Variants in ACCS observed in about 807,000 individuals in gnomAD.
The protein encoded by ACCS is 1-aminocyclopropane-1-carboxylate synthase homolog (inactive), also known as 1-aminocyclopropane-1-carboxylate synthase-like protein 1.
ACCS carries 42 observed loss-of-function variants against 59.8 expected under a neutral mutation model. The ratio of observed to expected loss-of-function variants is 0.70; its 90% CI spans 0.55 to 0.91. ACCS has a LOEUF of 0.91. ACCS is among the 40% of genes least tolerant of loss of function. ACCS has a pLI of 0.00. For missense variants in ACCS, 602 were observed against 630.4 expected, an observed-to-expected ratio of 0.95 and a Z score of 0.48; for synonymous variants, 230 against 240.3, an observed-to-expected ratio of 0.96 and a Z score of 0.40.
At position 44,078,740 on chromosome 11, in the gene ACCS, AT is replaced by A; in HGVS notation, c.790del (p.Tyr264ThrfsTer20). The A allele has an allele frequency of 6.2e-7, 1 of 1,614,050 alleles. No homozygotes were observed. Among genetic ancestry groups the A allele is most frequent in the African/African-American group, 1.3e-5 (1 of 75,006 alleles). ...GCCCCCAGAACCCTCTGGGTGATGT[AT>A]ACTCCCCTGAAGAGCTACAGGAGTA... ...ISPQNPLGDV[Y>X]SPEELQEYLV... On this transcript the variant is annotated frameshift_variant, in exon 9 of 15. Transcript: ENST00000263776. LOFTEE classifies it high-confidence loss of function.
intron 6 of ACCS, 99 bp downstream of exon 6, chr11:44,075,691 G>A: frequency 7.1e-7 from 1 of 1,416,214 alleles, no homozygotes. Flanking sequence ...ATGCTTTCGG[G>A]CACAATAGAA....
chr11:44,070,058 G>C (rs901043149), intron 2 of ACCS, among the ~76,000 whole-genome samples: 3 of 152,118 alleles, frequency 2.0e-5, no homozygotes, highest in African/African-American at 7.2e-5. Context: ...TACTGGAGCT[G>C]GAATAAAGCC....
chr11:44,070,094 G>T (rs1006508199), intron 2 of ACCS, among the ~76,000 whole-genome samples: 2 of 152,190 alleles, frequency 1.3e-5, no homozygotes, highest in Non-Finnish European at 2.9e-5. Flanking sequence ...AGGCGATGGG[G>T]TCAGAAAGAG....
chr11:44,075,671 C>T (rs1565177015), intron 6 of ACCS, 79 bp downstream of exon 6: 1 of 1,523,274 alleles, frequency 6.6e-7, no homozygotes, highest in Non-Finnish European at 9.0e-7. Flanking sequence ...GCCTCAAGGG[C>T]TGCAATAGTA....
intron 12 of ACCS, among the ~76,000 whole-genome samples, chr11:44,081,627 G>A (rs3134909): frequency 1.3e-5 from 2 of 152,004 alleles, no homozygotes; most frequent in Admixed American, 1.3e-4. Context: ...GCATATAATA[G>A]GCACTTGATT....
intron 10 of ACCS, chr11:44,080,704 C>A (rs892299148): frequency 6.9e-6 from 3 of 435,764 alleles, no homozygotes; most frequent in African/African-American, 6.0e-5. Context: ...ACCTGATTGG[C>A]CTGGTCCCAG....
chr11:44,071,338 G>T lies in ACCS; in HGVS notation c.348+23G>T, dbSNP rs763468932. 2.5e-6 allele frequency: 4 copies of T among 1,612,556 alleles called. No individual in the cohort carries two copies. The Admixed American group carries it at 6.7e-5, about 27-fold the overall frequency. On this transcript the variant is annotated intron_variant, in intron 3 of 14. Transcript: ENST00000263776. ...CGGGTAAGTCCTAGGGCCCCTCTAG[G>T]GGGCATCACCAGCTCCGAGGAGCTG...
rs1207105500 is a variant in ACCS, at chr11:44,067,635, C to A, written c.8C>A (p.Thr3Asn). 6.2e-7 allele frequency: 1 copy of A among 1,606,908 alleles called. No homozygotes were observed. Among genetic ancestry groups the A allele is most frequent in the Non-Finnish European group, 8.5e-7 (1 of 1,176,622 alleles). Residue 3 changes from threonine to asparagine, a missense_variant, in exon 2 of 15, where the codon ACC (threonine) becomes AAC (asparagine). Transcript: ENST00000263776. ...CGTTTTGTCTTTTTGCAGATGTTCA[C>A]CCTTCCTCAAAAGGACTTCAGGGCT... The part of the protein sequence containing the change: MF[T>N]LPQKDFRAPT...
intron 3 of ACCS, chr11:44,073,231 C>A: frequency 1.7e-6 from 1 of 586,616 alleles, no homozygotes; most frequent in Non-Finnish European, 3.1e-6. Context: ...TGTCTCAGCT[C>A]TGCCACTTGC....
At chr11:44,075,670 GCTGCAAT>G in intron 6 of ACCS, 78 bp downstream of exon 6, 1 of 1,532,062 alleles carries the variant, frequency 6.5e-7, no homozygotes, top group Non-Finnish European at 9.0e-7. Flanking sequence ...GGCCTCAAGG[GCTGCAAT>G]AGTATGCTTT....
At chr11:44,080,619 C>T (rs2134891576) in intron 10 of ACCS, 1 of 211,152 alleles carries the variant, frequency 4.7e-6, no homozygotes, top group African/African-American at 2.3e-5. Flanking sequence ...AAATGCACAT[C>T]CAGCCATTGG....
At chr11:44,080,978 T>C (rs1312466809) in intron 10 of ACCS, 42 bp from the exon 11 acceptor site, 16 of 1,612,480 alleles carry the variant, frequency 9.9e-6, no homozygotes, top group Middle Eastern at 1.7e-4. Context: ...TGGGTTTCCA[T>C]AGTTCTGTGT....
chr11:44,074,827 A>G (rs200976528), intron 5 of ACCS, 146 bp downstream of exon 5: 1 of 264,196 alleles, frequency 3.8e-6, no homozygotes, highest in African/African-American at 4.8e-5. Flanking sequence ...TTTTTTTTTT[A>G]TTTTTTTTAT....
At chr11:44,075,452 G>A in intron 5 of ACCS, 74 bp from the exon 6 acceptor site, 1 of 1,527,950 alleles carries the variant, frequency 6.5e-7, no homozygotes, top group Non-Finnish European at 9.1e-7. Context: ...ACTCTGTGCT[G>A]TCCTGGGAGG....
Position 44,083,867 on chromosome 11 carries a change from G to T in ACCS, c.*75G>T. 1 of 1,541,118 alleles carries T rather than the reference G, an allele frequency of 6.5e-7. No homozygotes were observed. The highest frequency in any genetic ancestry group is 1.2e-5 in the South Asian group (1 of 83,240). ...GGGCGTTCTGGGGCTGCAGAAGACTGACTGTGGATGTGCCATTTGCCAGGA... is the reference window on the plus strand; with the variant it reads ...GGGCGTTCTGGGGCTGCAGAAGACTTACTGTGGATGTGCCATTTGCCAGGA... On this transcript the variant is annotated 3_prime_UTR_variant, in exon 15 of 15. Coordinates refer to ENST00000263776, the MANE Select transcript of ACCS (RefSeq NM_032592.4).
chr11:44,075,187 T>C (rs1277044666), intron 5 of ACCS, among the ~76,000 whole-genome samples: 1 of 152,066 alleles, frequency 6.6e-6, no homozygotes, highest in Non-Finnish European at 1.5e-5. Context: ...CTTCACATAG[T>C]TTTGACTTGT....
At chr11:44,077,775 G>A in intron 7 of ACCS, 70 bp from the exon 8 acceptor site, 1 of 1,571,584 alleles carries the variant, frequency 6.4e-7, no homozygotes, top group Non-Finnish European at 8.6e-7. Flanking sequence ...AGAGGCCTGA[G>A]AGTTCATATG....
intron 2 of ACCS, among the ~76,000 whole-genome samples, chr11:44,069,472 C>T (rs1349506291): frequency 6.6e-6 from 1 of 152,216 alleles, no homozygotes; most frequent in Non-Finnish European, 1.5e-5. Context: ...CTGCCTCCGC[C>T]TCCCAAAGTG....
Position 44,083,262 on chromosome 11 carries a change from C to T in ACCS, c.1205C>T (p.Pro402Leu), listed in dbSNP as rs746984867. 6.2e-7 allele frequency: 1 copy of T among 1,614,052 alleles called. No individual in the cohort carries two copies. The highest frequency in any genetic ancestry group is 2.2e-5 in the East Asian group (1 of 44,890). The change falls in exon 13 of 15, where the codon CCC becomes CTC. Residue 402 changes from proline to leucine, a missense_variant. Pro to Leu is a moderately conservative substitution (Grantham distance 98, BLOSUM62 -3). Coordinates refer to ENST00000263776, the MANE Select transcript of ACCS (RefSeq NM_032592.4). ...GAAGAGCTTAGGGCATTGGGGATCC[C>T]CTTCTTGAGTCGTGGGGCTGGCTTC... ...VSEELRALGI[P>L]FLSRGAGFFI...
Sources: gnomAD v4.1 joint callset for allele counts (sites outside exome capture counted in the v4.1 genomes callset) on GRCh38, gnomAD v4.1.1 for gene constraint, MANE v1.5 for transcripts, NCBI Gene and HGNC (gene_info 2026-07-23, HGNC 2026-07-21) for gene names.